GBF1: variants seen among roughly 807,000 people sequenced by gnomAD.
GBF1 encodes the protein Golgi-specific brefeldin A-resistance guanine nucleotide exchange factor 1.
GBF1 carries 114 observed loss-of-function variants against 210.5 expected under a neutral mutation model. The ratio of observed to expected loss-of-function variants is 0.54; its 90% CI spans 0.47 to 0.63. GBF1 has a LOEUF of 0.63. Ranked by LOEUF, GBF1 falls within the 30% of genes least tolerant of loss-of-function variation. The pLI is 0.00. For synonymous variants in GBF1, 850 were observed against 889.2 expected, an observed-to-expected ratio of 0.96 and a Z score of 0.78; for missense variants, 1,851 against 2,357.7, an observed-to-expected ratio of 0.79 and a Z score of 4.45.
intron 3 of GBF1, among the ~76,000 whole-genome samples, chr10:102,293,764 G>GTTTTTATT (rs1263151407): frequency 2.0e-5 from 1 of 50,888 alleles, no homozygotes. Context: ...GCTGTAGTAT[G>GTTTTTATT]TTTTGTGTTT....
chr10:102,286,093 A>G (rs1480385421), intron 3 of GBF1, among the ~76,000 whole-genome samples: 1 of 152,028 alleles, frequency 6.6e-6, no homozygotes, highest in African/African-American at 2.4e-5. Flanking sequence ...TAACCATTTG[A>G]TCAAAGTCAG....
intron 4 of GBF1, among the ~76,000 whole-genome samples, chr10:102,345,516 ACG>A (rs1375038879): frequency 8.7e-5 from 13 of 148,760 alleles, no homozygotes; most frequent in African/African-American, 3.2e-4. Context: ...GCAGGGTGGT[ACG>A]TGCCTGTAAT....
the GBF1 span, chr10:102,231,207 C>A: frequency 1.8e-5 from 20 of 1,119,868 alleles, no homozygotes; most frequent in Non-Finnish European, 2.3e-5. Flanking sequence ...GGTCAATAAA[C>A]GAGATGAGGT....
In GBF1 at chr10:102,366,306, A is replaced by AGGAG. The variant is rs2059909375; in HGVS notation, c.2310-75_2310-72dup. On this transcript the variant is annotated intron_variant, in intron 18 of 39. Transcript: ENST00000369983. The surrounding 1 kb of genome is among the most constrained non-coding windows in gnomAD (Gnocchi z 4.0). ...TCCTCTCTTCCAGTAAGAGTAGGTT[A>AGGAG]GGAGGACAGTGACTAAAAGAGCCTG... 2 of 1,519,362 alleles carry AGGAG rather than the reference A, an allele frequency of 1.3e-6. No individual in the cohort carries two copies. Among genetic ancestry groups the AGGAG allele is most frequent in the Non-Finnish European group, 1.8e-6 (2 of 1,099,106 alleles). 94.1% of individuals were successfully genotyped at this position (1,519,362 alleles called of 1,614,324 possible). A position where few individuals can be genotyped will look rare whatever the true frequency, so the allele number is the denominator to read the frequency against.
intron 23 of GBF1, 65 bp downstream of exon 23, chr10:102,368,897 C>A: frequency 9.0e-7 from 1 of 1,113,586 alleles, no homozygotes; most frequent in Non-Finnish European, 1.4e-6. Flanking sequence ...AGCCATGGAT[C>A]TACCCTTATC....
At chr10:102,360,660 G>C (rs1455820582) in intron 12 of GBF1, among the ~76,000 whole-genome samples, 2 of 152,136 alleles carry the variant, frequency 1.3e-5, no homozygotes, top group Non-Finnish European at 2.9e-5. Context: ...GCCTCTCTTG[G>C]TTGAGCCATA....
rs5787452 is a variant in GBF1, at chr10:102,354,913, CTT to C, written c.639+1276_639+1277del. 5.4e-3 allele frequency among the ~76,000 whole-genome samples: 712 copies of C among 132,954 alleles called. 4 individuals are homozygous for C. Among genetic ancestry groups the C allele is most frequent in the African/African-American group, 0.013 (485 of 36,008 alleles). 87.2% of individuals were successfully genotyped at this position (132,954 alleles called of 152,430 possible). A position where few individuals can be genotyped will look rare whatever the true frequency, so the allele number is the denominator to read the frequency against. On this transcript the variant is annotated intron_variant, in intron 8 of 39. Coordinates refer to ENST00000369983, the MANE Select transcript of GBF1 (RefSeq NM_001377137.1). ...AAAGGGTAGTCCATCTAGTTGGGAT[CTT>C]TTTTTTTTTTTTTTTTCTTGGTTAC...
the GBF1 span, among the ~76,000 whole-genome samples, chr10:102,236,670 G>A: frequency 6.6e-6 from 1 of 152,210 alleles, no homozygotes; most frequent in African/African-American, 2.4e-5. Flanking sequence ...ACAACCCCAT[G>A]GCAATAAGTC....
chr10:102,255,457 A>G (rs771553418), intron 1 of GBF1, among the ~76,000 whole-genome samples: 7 of 152,206 alleles, frequency 4.6e-5, no homozygotes, highest in Non-Finnish European at 8.8e-5. Context: ...TAAAATTTAA[A>G]AGTAGTTAAT....
At chr10:102,261,277 T>TACACAC (rs141245760) in intron 3 of GBF1, among the ~76,000 whole-genome samples, 1 of 150,606 alleles carries the variant, frequency 6.6e-6, no homozygotes, top group Non-Finnish European at 1.5e-5. Context: ...TGTATATATA[T>TACACAC]ACACACACAC....
intron 3 of GBF1, among the ~76,000 whole-genome samples, chr10:102,264,003 G>A (rs1589414470): frequency 6.6e-6 from 1 of 152,132 alleles, no homozygotes; most frequent in African/African-American, 2.4e-5. Flanking sequence ...GGGCTGGGAG[G>A]GGGTATGGAG....
intron 29 of GBF1, among the ~76,000 whole-genome samples, chr10:102,372,606 G>A (rs117759943): frequency 9.4e-4 from 143 of 152,306 alleles, no homozygotes; most frequent in Non-Finnish European, 1.6e-3. Flanking sequence ...AGAGAGACCA[G>A]AAATAAGCTC....
intron 23 of GBF1, 59 bp downstream of exon 23, chr10:102,368,891 A>C: frequency 8.5e-7 from 1 of 1,171,596 alleles, no homozygotes; most frequent in East Asian, 2.3e-5. Flanking sequence ...TCTTTTAGCC[A>C]TGGATCTACC....
chr10:102,379,471 G>A (rs763250757), intron 34 of GBF1, 37 bp downstream of exon 34: 4 of 1,613,864 alleles, frequency 2.5e-6, no homozygotes, highest in Admixed American at 1.7e-5. Flanking sequence ...AGTTTGGGGA[G>A]CATCAGGATC....
intron 3 of GBF1, among the ~76,000 whole-genome samples, chr10:102,275,448 C>T (rs963492591): frequency 1.5e-4 from 23 of 152,048 alleles, no homozygotes; most frequent in African/African-American, 3.9e-4. Context: ...TCAGAGAGAC[C>T]GTCCCCTTGT....
intron 3 of GBF1, among the ~76,000 whole-genome samples, chr10:102,326,582 G>A (rs1041762362): frequency 6.6e-6 from 1 of 152,022 alleles, no homozygotes; most frequent in Non-Finnish European, 1.5e-5. Context: ...GTGTTCAGTT[G>A]GTAAGTTTTG....
At chr10:102,375,250 A>G (rs974827790) in intron 29 of GBF1, 109 bp from the exon 30 acceptor site, 1 of 700,624 alleles carries the variant, frequency 1.4e-6, no homozygotes, top group Non-Finnish European at 2.6e-6. Flanking sequence ...GGTCCTAGCC[A>G]AACTGTCTTC....
At chr10:102,332,326 T>G (rs1218125229) in intron 3 of GBF1, among the ~76,000 whole-genome samples, 1 of 152,064 alleles carries the variant, frequency 6.6e-6, no homozygotes, top group Non-Finnish European at 1.5e-5. Flanking sequence ...ATTTTTGATC[T>G]GTGGTTGATC....
intron 3 of GBF1, among the ~76,000 whole-genome samples, chr10:102,333,436 T>A (rs1232660737): frequency 1.3e-5 from 2 of 152,192 alleles, no homozygotes; most frequent in East Asian, 3.9e-4. Flanking sequence ...TGCCAAAGTT[T>A]AGCTTTGATT....
Sources: allele counts gnomAD v4.1 joint callset (sites outside exome capture counted in the v4.1 genomes callset), GRCh38; gene constraint gnomAD v4.1.1; non-coding constraint Gnocchi (gnomAD v3.1); transcripts MANE v1.5; gene names NCBI Gene and HGNC (gene_info 2026-07-23, HGNC 2026-07-21).